TTC28: variants seen among roughly 807,000 people sequenced by gnomAD.
TTC28 encodes tetratricopeptide repeat domain 28.
In TTC28, 61 loss-of-function variants were observed where a neutral mutation model predicts 198.0. The ratio of observed to expected loss-of-function variants is 0.31; its 90% confidence interval spans 0.25 to 0.38. TTC28 has a LOEUF of 0.38. TTC28 is among the 10% of genes least tolerant of loss of function. TTC28 has a pLI of 1.00. For missense variants in TTC28, 2,678 were observed against 3,164.0 expected (o/e 0.85, Z 3.69); for synonymous variants, 1,171 against 1,297.8 (o/e 0.90, Z 2.10).
At chr22:28,155,075 A>G (rs1943722292) in intron 6 of TTC28, among the ~76,000 whole-genome samples, 1 of 152,172 alleles carries the variant, frequency 6.6e-6, no homozygotes, top group African/African-American at 2.4e-5. Context: ...AGCCTGATTC[A>G]GTCTCCCTGG....
intron 2 of TTC28, among the ~76,000 whole-genome samples, chr22:28,541,716 T>G (rs772714863): frequency 2.2e-4 from 33 of 151,752 alleles, no homozygotes; most frequent in South Asian, 1.5e-3. Context: ...TAAATATATA[T>G]ATATATAGAA....
intron 2 of TTC28, among the ~76,000 whole-genome samples, chr22:28,361,201 A>G (rs1026310506): frequency 1.3e-5 from 2 of 152,224 alleles, no homozygotes; most frequent in Admixed American, 6.5e-5. Context: ...TTAGTGAGGA[A>G]GGCAGGTCAA....
At chr22:28,086,055 A>T (rs1312519235) in intron 12 of TTC28, among the ~76,000 whole-genome samples, 1 of 152,086 alleles carries the variant, frequency 6.6e-6, no homozygotes, top group Non-Finnish European at 1.5e-5. Flanking sequence ...CTCCCACACA[A>T]TAATATTGGG....
intron 5 of TTC28, among the ~76,000 whole-genome samples, chr22:28,281,950 G>A (rs1303363794): frequency 6.6e-6 from 1 of 152,076 alleles, no homozygotes; most frequent in East Asian, 1.9e-4. Context: ...TCACTTTCTG[G>A]TTGTTTTTGT....
At chr22:28,527,448 CCT>C (rs2049025610) in intron 2 of TTC28, among the ~76,000 whole-genome samples, 1 of 152,170 alleles carries the variant, frequency 6.6e-6, no homozygotes, top group Non-Finnish European at 1.5e-5. Flanking sequence ...TTCAAGCTTG[CCT>C]AGTTACTGCA....
At chr22:28,566,954 C>T (rs1036158972) in intron 2 of TTC28, among the ~76,000 whole-genome samples, 2 of 152,048 alleles carry the variant, frequency 1.3e-5, no homozygotes, top group African/African-American at 2.4e-5. Flanking sequence ...CAGTGGCTCA[C>T]GCCTGTAACT....
chr22:28,669,036 G>A (rs2051833732), intron 1 of TTC28, among the ~76,000 whole-genome samples: 1 of 68,026 alleles, frequency 1.5e-5, no homozygotes. Flanking sequence ...ATCATTCTCA[G>A]TAAACTATCG....
intron 7 of TTC28, 103 bp from the exon 8 acceptor site, chr22:28,105,905 T>C (rs1161692025): frequency 1.5e-6 from 2 of 1,339,670 alleles, no homozygotes; most frequent in South Asian, 1.6e-5. Context: ...TCACTTACTA[T>C]AGAAGCTCTT....
At chr22:28,230,635 C>G (rs925782082) in intron 5 of TTC28, among the ~76,000 whole-genome samples, 5 of 152,134 alleles carry the variant, frequency 3.3e-5, no homozygotes, top group African/African-American at 4.8e-5. Flanking sequence ...TTTTAGAATA[C>G]AGAGAGAGAC....
intron 5 of TTC28, among the ~76,000 whole-genome samples, chr22:28,227,979 T>C (rs1431002719): frequency 2.0e-5 from 3 of 152,170 alleles, no homozygotes; most frequent in African/African-American, 4.8e-5. Flanking sequence ...ATGTCCATTA[T>C]AGATTAATGG....
intron 6 of TTC28, among the ~76,000 whole-genome samples, chr22:28,159,692 G>A (rs1375131770): frequency 6.6e-6 from 1 of 151,098 alleles, no homozygotes. Context: ...GCTACCATAT[G>A]ATTCAGCAAT....
chr22:28,008,980 T>C (rs912728061), intron 14 of TTC28, among the ~76,000 whole-genome samples: 1 of 152,210 alleles, frequency 6.6e-6, no homozygotes, highest in African/African-American at 2.4e-5. Flanking sequence ...GATTAAAAAC[T>C]AATACCACAG....
At chr22:28,534,600 T>C (rs1330604529) in intron 2 of TTC28, among the ~76,000 whole-genome samples, 1 of 152,172 alleles carries the variant, frequency 6.6e-6, no homozygotes, top group East Asian at 1.9e-4. Flanking sequence ...GCTGCTATAA[T>C]GACACATGCA....
chr22:28,193,683 A>C (rs1925106431), intron 5 of TTC28, among the ~76,000 whole-genome samples: 1 of 152,228 alleles, frequency 6.6e-6, no homozygotes, highest in Non-Finnish European at 1.5e-5. Flanking sequence ...ATTGAAAGAC[A>C]CAAGGAAGGT....
At chr22:28,160,947 A>G (rs188455156) in intron 6 of TTC28, among the ~76,000 whole-genome samples, 1 of 152,156 alleles carries the variant, frequency 6.6e-6, no homozygotes, top group East Asian at 1.9e-4. Flanking sequence ...GAGAGAAGAG[A>G]ATTTCACAGA....
intron 5 of TTC28, among the ~76,000 whole-genome samples, chr22:28,280,424 C>T (rs760855003): frequency 6.6e-6 from 1 of 152,068 alleles, no homozygotes; most frequent in African/African-American, 2.4e-5. Flanking sequence ...CCTCCGCCTC[C>T]GCCTCCTGGG....
At chr22:28,191,138 C>T (rs1313432226) in intron 5 of TTC28, among the ~76,000 whole-genome samples, 1 of 152,168 alleles carries the variant, frequency 6.6e-6, no homozygotes, top group East Asian at 1.9e-4. Context: ...TTTCCTGCTT[C>T]TAGGCCATGG....
chr22:28,516,894 AAC>A (rs1015914914), intron 2 of TTC28, among the ~76,000 whole-genome samples: 1 of 152,204 alleles, frequency 6.6e-6, no homozygotes, highest in Non-Finnish European at 1.5e-5. Flanking sequence ...GTACACCATA[AAC>A]AGATAAAATT....
rs572350630 is a variant in TTC28 at position 28,005,504 on chromosome 22, C to T, written c.4219-3951G>A. Among the ~76,000 whole-genome samples, 4 of 152,278 alleles carry T rather than the reference C, an allele frequency of 2.6e-5. No individual in the cohort carries two copies. Among genetic ancestry groups the T allele is most frequent in the Admixed American group, 1.3e-4 (2 of 15,300 alleles). On this transcript the variant is annotated intron_variant, in intron 14 of 22. Transcript: ENST00000397906. The surrounding 1 kb of genome is among the most constrained non-coding windows in gnomAD (Gnocchi z 4.9). ...TGCATTCCTTTGGCTGTTTCTCCCA[C>T]GATATGCAGGGTGCTGAGCTGTGTC...
Sources: gnomAD v4.1 joint callset for allele counts (sites outside exome capture counted in the v4.1 genomes callset) on GRCh38, gnomAD v4.1.1 for gene constraint, Gnocchi (gnomAD v3.1) non-coding constraint, MANE v1.5 for transcripts, NCBI Gene and HGNC (gene_info 2026-07-23, HGNC 2026-07-21) for gene names.